PSMD9: variants seen among roughly 807,000 people sequenced by gnomAD.
PSMD9 encodes 26S proteasome non-ATPase regulatory subunit 9.
Under a neutral mutation model 25.9 loss-of-function variants are expected in PSMD9, and 26 were observed. That is an observed-to-expected ratio of 1.00 (90% CI 0.73 to 1.39). PSMD9 has a LOEUF of 1.39. Among genes scored for constraint, PSMD9 ranks in the 40% most tolerant of loss-of-function variants. PSMD9 has a pLI of 0.00. For missense variants in PSMD9, 303 were observed against 299.3 expected (o/e 1.01, Z -0.09); for synonymous variants, 110 against 114.5 (o/e 0.96, Z 0.25).
chr12:121,914,020 C>T (rs1300865543), intron 4 of PSMD9, among the ~76,000 whole-genome samples: 3 of 151,986 alleles, frequency 2.0e-5, no homozygotes, highest in South Asian at 2.1e-4. Flanking sequence ...CTCAGCCTCC[C>T]GAGTAGCTGG....
chr12:121,900,856 G>C (rs1235739818), intron 3 of PSMD9, among the ~76,000 whole-genome samples: 3 of 151,884 alleles, frequency 2.0e-5, no homozygotes, highest in African/African-American at 7.3e-5. Context: ...GTGGTGACAT[G>C]TGCCTGTAAT....
chr12:121,904,356 C>T (rs1004462307), intron 4 of PSMD9, among the ~76,000 whole-genome samples: 1 of 148,610 alleles, frequency 6.7e-6, no homozygotes. Context: ...GGGTGGATCA[C>T]GAAGTCAGGA....
intron 1 of PSMD9, among the ~76,000 whole-genome samples, chr12:121,890,716 C>CCTGCCT (rs1879046018): frequency 6.6e-6 from 1 of 152,130 alleles, no homozygotes; most frequent in Admixed American, 6.6e-5. Context: ...AAGCAGTCCT[C>CCTGCCT]CTGCCTCTGC....
At chr12:121,902,353 G>T (rs1419090788) in intron 3 of PSMD9, 1 of 152,288 alleles carries the variant, frequency 6.6e-6, no homozygotes, top group East Asian at 1.9e-4. Flanking sequence ...GTTCCTGCCA[G>T]GTGGAATGGG....
In PSMD9 at chr12:121,916,631, C is replaced by T. The variant is rs1879912301; in HGVS notation, c.*320C>T. 2.9e-6 allele frequency: 1 copy of T among 338,984 alleles called. No homozygotes were observed. Among genetic ancestry groups the T allele is most frequent in the Non-Finnish European group, 5.5e-6 (1 of 182,974 alleles). 21.0% of individuals were successfully genotyped at this position (338,984 alleles called of 1,614,324 possible). A position where few individuals can be genotyped will look rare whatever the true frequency, so the allele number is the denominator to read the frequency against. On this transcript the variant is annotated 3_prime_UTR_variant, in exon 6 of 6. Transcript: ENST00000541212. ...TTATTATTTTTAATAAAGAGTTTTA[C>T]AGTGCTGATATGACCCTGTTGTCAC...
intron 1 of PSMD9, among the ~76,000 whole-genome samples, chr12:121,889,869 T>C (rs1054710886): frequency 1.3e-5 from 2 of 152,066 alleles, no homozygotes; most frequent in Admixed American, 1.3e-4. Flanking sequence ...CAATTAATTA[T>C]GCCCAAGTAG....
At chr12:121,897,828 A>T (rs1050938474) in intron 2 of PSMD9, 1 of 152,262 alleles carries the variant, frequency 6.6e-6, no homozygotes, top group Admixed American at 6.5e-5. Flanking sequence ...GCGCCCAGCT[A>T]ACAGCTTATG....
At chr12:121,900,399 A>AT (rs998500897) in intron 3 of PSMD9, among the ~76,000 whole-genome samples, 5 of 151,588 alleles carry the variant, frequency 3.3e-5, no homozygotes, top group East Asian at 1.9e-4. Context: ...CTTAAAAAAA[A>AT]TTTTTTTTTG....
chr12:121,915,704 C>T, intron 4 of PSMD9, 152 bp from the exon 5 acceptor site: 1 of 674,632 alleles, frequency 1.5e-6, no homozygotes, highest in South Asian at 2.0e-5. Context: ...GAGTGCAGTG[C>T]CACGTTCCCC....
At chr12:121,910,295 A>T (rs1406238597) in intron 4 of PSMD9, among the ~76,000 whole-genome samples, 1 of 151,296 alleles carries the variant, frequency 6.6e-6, no homozygotes, top group East Asian at 2.0e-4. Context: ...TATGTTGGCC[A>T]GGATGGTCTC....
chr12:121,896,002 C>CTTAT (rs1053228152), intron 2 of PSMD9, among the ~76,000 whole-genome samples: 1 of 152,024 alleles, frequency 6.6e-6, no homozygotes, highest in Non-Finnish European at 1.5e-5. Flanking sequence ...TGCATCACAT[C>CTTAT]TTATTTATTT....
Position 121,916,508 on chromosome 12 carries a change from G to A in PSMD9, c.*197G>A. 1 of 661,172 alleles carries A rather than the reference G, an allele frequency of 1.5e-6. No individual in the cohort carries two copies. The highest frequency in any genetic ancestry group is 2.0e-5 in the South Asian group (1 of 50,040). The allele number at this position is 661,172 out of a possible 1,614,324, so 41.0% of individuals were successfully genotyped here. Reference sequence around the variant, plus strand: ...AGGCATTCTTAAAAACTTAGGCTTGGCCTCTTTCACAAATTAGGCCACGGC... The same window carrying A: ...AGGCATTCTTAAAAACTTAGGCTTGACCTCTTTCACAAATTAGGCCACGGC... On this transcript the variant is annotated 3_prime_UTR_variant, in exon 6 of 6. Transcript: ENST00000541212.
chr12:121,892,694 C>G (rs1565889772), intron 1 of PSMD9, among the ~76,000 whole-genome samples: 1 of 151,012 alleles, frequency 6.6e-6, no homozygotes. Flanking sequence ...GAGCGAGACT[C>G]TGTCTTTAAA....
chr12:121,902,986 A>G lies in PSMD9; in HGVS notation c.454-20A>G. 6.2e-7 allele frequency: 1 copy of G among 1,606,514 alleles called. No homozygotes were observed. Among genetic ancestry groups the G allele is most frequent in the Non-Finnish European group, 8.5e-7 (1 of 1,173,402 alleles). On this transcript the variant is annotated intron_variant, in intron 3 of 5. Coordinates refer to ENST00000541212, the MANE Select transcript of PSMD9 (RefSeq NM_002813.7). ...CACTGAACCTCTAGCCTGATTTTCC[A>G]TTTTTCCTTCCCTCTCCAGGGTCTG...
chr12:121,897,057 G>A (rs1266327675), intron 2 of PSMD9, among the ~76,000 whole-genome samples: 2 of 151,996 alleles, frequency 1.3e-5, no homozygotes, highest in Non-Finnish European at 2.9e-5. Context: ...CTCAGGCTGG[G>A]TGTAACCAAG....
intron 5 of PSMD9, 163 bp downstream of exon 5, chr12:121,916,107 C>T (rs1879893209): frequency 8.6e-7 from 1 of 1,156,952 alleles, no homozygotes; most frequent in African/African-American, 1.5e-5. Flanking sequence ...GACTACAGCT[C>T]TAGAAGCAGA....
chr12:121,916,258 G>T, intron 5 of PSMD9, 26 bp from the exon 6 acceptor site: 1 of 1,613,908 alleles, frequency 6.2e-7, no homozygotes, highest in East Asian at 2.2e-5. Context: ...CCAAACTTAC[G>T]CCATTCCTTT....
Position 121,888,799 on chromosome 12 carries a change from T to C in PSMD9, c.-58T>C, listed in dbSNP as rs1194991570. ...GGGCGGAGCCGTAGTTACGGTCGACTGGGGCGTCGTCCCTAGCCCGGGAGC... is the reference window on the plus strand; with the variant it reads ...GGGCGGAGCCGTAGTTACGGTCGACCGGGGCGTCGTCCCTAGCCCGGGAGC... On this transcript the variant is annotated 5_prime_UTR_variant, in exon 1 of 6. Transcript: ENST00000541212. 5.8e-6 allele frequency: 9 copies of C among 1,558,524 alleles called. No individual in the cohort carries two copies. The African/African-American group carries it at 1.2e-4, about 21-fold the overall frequency.
At chr12:121,907,802 G>T (rs1462205929) in intron 4 of PSMD9, among the ~76,000 whole-genome samples, 3 of 152,214 alleles carry the variant, frequency 2.0e-5, no homozygotes, top group African/African-American at 7.2e-5. Context: ...CACTTTGGGA[G>T]GCCAAGGCAG....
Sources: allele counts gnomAD v4.1 joint callset (sites outside exome capture counted in the v4.1 genomes callset), GRCh38; gene constraint gnomAD v4.1.1; transcripts MANE v1.5; gene names NCBI Gene and HGNC (gene_info 2026-07-23, HGNC 2026-07-21).